The following SCAI variants were observed in gnomAD, a reference collection of about 807,000 sequenced individuals.
SCAI encodes protein SCAI.
In SCAI, 24 loss-of-function variants were observed where a neutral mutation model predicts 92.2. The observed-to-expected ratio is 0.26, with a 90% CI of 0.19 to 0.37. SCAI has a LOEUF of 0.37. SCAI is among the 10% of genes least tolerant of loss of function. The pLI is 1.00. For missense variants in SCAI, 450 were observed against 736.2 expected (o/e 0.61, Z 4.50); for synonymous variants, 261 against 258.6 (o/e 1.01, Z -0.09).
At chr9:125,004,771 ATATATATATTTTTTTTTTTTTTTTT>A (rs1158847498) in intron 9 of SCAI, among the ~76,000 whole-genome samples, 1 of 8,822 alleles carries the variant, frequency 1.1e-4, no homozygotes, top group African/African-American at 3.5e-4. Context: ...ATATATATAT[ATATATATATTTTTTTTTTTTTTTTT>A]TTTTTTTTTG....
intron 9 of SCAI, among the ~76,000 whole-genome samples, chr9:125,014,835 C>T (rs376354231): frequency 2.2e-4 from 34 of 152,204 alleles, no homozygotes; most frequent in South Asian, 1.7e-3. Flanking sequence ...AAAACAGAGA[C>T]ATAGATCAAT....
intron 3 of SCAI, among the ~76,000 whole-genome samples, chr9:125,049,027 G>C (rs1295978816): frequency 6.6e-6 from 1 of 152,096 alleles, no homozygotes; most frequent in Non-Finnish European, 1.5e-5. Context: ...TTACAGGCGT[G>C]AGCCACCGCA....
chr9:125,051,819 AG>A (rs1484793699), intron 3 of SCAI, among the ~76,000 whole-genome samples: 2 of 152,374 alleles, frequency 1.3e-5, no homozygotes, highest in East Asian at 3.9e-4. Context: ...CTGTAATCCC[AG>A]AACTTTGGGA....
intron 17 of SCAI, among the ~76,000 whole-genome samples, chr9:124,971,081 C>A (rs1236011456): frequency 6.6e-6 from 1 of 152,104 alleles, no homozygotes; most frequent in African/African-American, 2.4e-5. Context: ...TCCCAAAGTG[C>A]TGAGATTACA....
rs116624397 is a variant in SCAI, at chr9:124,978,893, C to T, written c.1327-2707G>A. On this transcript the variant is annotated intron_variant, in intron 14 of 17. Coordinates refer to ENST00000336505, the MANE Select transcript of SCAI (RefSeq NM_001144877.3). ...TTCTTTTTTTTTTGAAACAGTTTCG[C>T]TCTGTCGCCCAGGCTGGAGTGCAAC... 3.9e-3 allele frequency among the ~76,000 whole-genome samples: 588 copies of T among 151,786 alleles called. 5 individuals carry two copies. Among genetic ancestry groups the T allele is most frequent in the African/African-American group, 0.011 (452 of 41,392 alleles).
intron 17 of SCAI, among the ~76,000 whole-genome samples, chr9:124,970,427 A>C (rs938720913): frequency 6.6e-6 from 1 of 152,230 alleles, no homozygotes; most frequent in Admixed American, 6.5e-5. Flanking sequence ...GATTAAAAAA[A>C]AAATTTCAGG....
chr9:125,021,675 TTGTG>T (rs373663801), intron 6 of SCAI, among the ~76,000 whole-genome samples: 36 of 152,336 alleles, frequency 2.4e-4, no homozygotes, highest in African/African-American at 7.2e-4. Flanking sequence ...AGTGTATTTT[TTGTG>T]TGTATGTTCA....
chr9:125,060,687 T>C (rs1223215527), intron 2 of SCAI, among the ~76,000 whole-genome samples: 1 of 152,162 alleles, frequency 6.6e-6, no homozygotes, highest in Non-Finnish European at 1.5e-5. Context: ...CCGCTTTTGC[T>C]TCCTCCTCAT....
At chr9:125,009,509 G>A (rs972716827) in intron 9 of SCAI, among the ~76,000 whole-genome samples, 23 of 151,914 alleles carry the variant, frequency 1.5e-4, no homozygotes, top group South Asian at 4.2e-4. Flanking sequence ...ACCCTCAGGC[G>A]ATCTGCCCCA....
intron 6 of SCAI, among the ~76,000 whole-genome samples, chr9:125,025,539 T>A (rs1487012868): frequency 6.6e-6 from 1 of 152,248 alleles, no homozygotes; most frequent in African/African-American, 2.4e-5. Context: ...TCGCATTTTT[T>A]AAGATATAAT....
At chr9:125,099,948 A>G (rs2131211228) in intron 2 of SCAI, among the ~76,000 whole-genome samples, 1 of 152,370 alleles carries the variant, frequency 6.6e-6, no homozygotes, top group East Asian at 1.9e-4. Context: ...ATCAATGGAC[A>G]TCCGGGTTGT....
intron 14 of SCAI, among the ~76,000 whole-genome samples, chr9:124,983,057 T>C (rs1831918841): frequency 6.6e-6 from 1 of 151,212 alleles, no homozygotes; most frequent in Non-Finnish European, 1.5e-5. Flanking sequence ...GAGGCTGACA[T>C]AGGAGGATCT....
intron 3 of SCAI, among the ~76,000 whole-genome samples, chr9:125,031,612 G>C (rs1348338389): frequency 6.6e-6 from 1 of 152,122 alleles, no homozygotes; most frequent in African/African-American, 2.4e-5. Flanking sequence ...AATAAATCTA[G>C]AGATCAATTT....
chr9:125,070,079 CTG>C (rs1362038656), intron 2 of SCAI, among the ~76,000 whole-genome samples: 1 of 152,176 alleles, frequency 6.6e-6, no homozygotes, highest in Admixed American at 6.5e-5. Flanking sequence ...AGATATGAAA[CTG>C]TGCTATAAAT....
At chr9:125,015,448 G>C (rs1020582626) in intron 9 of SCAI, among the ~76,000 whole-genome samples, 1 of 152,148 alleles carries the variant, frequency 6.6e-6, no homozygotes, top group Non-Finnish European at 1.5e-5. Flanking sequence ...ACCATCACTA[G>C]CCATCAGAGA....
At chr9:125,026,971 A>AGAACAAGTATTTAC in intron 5 of SCAI, 61 bp from the exon 6 acceptor site, 1 of 1,001,572 alleles carries the variant, frequency 1.0e-6, no homozygotes, top group Non-Finnish European at 1.5e-6. Context: ...CATGGTAAAT[A>AGAACAAGTATTTAC]CTTGTTCTAT....
Position 124,996,496 on chromosome 9 carries a change from T to G in SCAI, c.1245-1481A>C, listed in dbSNP as rs1267314212. 1.4e-4 allele frequency among the ~76,000 whole-genome samples: 22 copies of G among 152,010 alleles called. 1 individual carries two copies. Among genetic ancestry groups the G allele is most frequent in the Admixed American group, 1.4e-3 (21 of 15,234 alleles). On this transcript the variant is annotated intron_variant, in intron 13 of 17. Transcript: ENST00000336505. ...TTTTACATTTTTAGTAGAGACAAGA[T>G]CCTCTTATGTTGCCAAGGCTGGTCT... is the stretch of plus-strand genomic sequence containing the variant.
chr9:124,961,649 C>A (rs370770270), intron 17 of SCAI, among the ~76,000 whole-genome samples: 295 of 119,650 alleles, frequency 2.5e-3, no homozygotes, highest in East Asian at 3.1e-3. Flanking sequence ...GACTCCATCT[C>A]AAAAAAAAAA....
chr9:124,952,644 T>G lies in SCAI; in HGVS notation c.*163A>C, dbSNP rs1224386085. 3.7e-6 allele frequency: 2 copies of G among 539,472 alleles called. No individual in the cohort carries two copies. Among genetic ancestry groups the G allele is most frequent in the Non-Finnish European group, 6.3e-6 (2 of 319,080 alleles). The allele number at this position is 539,472 out of a possible 1,614,324, so 33.4% of individuals were successfully genotyped here. A position where few individuals can be genotyped will look rare whatever the true frequency, so the allele number is the denominator to read the frequency against. On this transcript the variant is annotated 3_prime_UTR_variant, in exon 18 of 18. Transcript: ENST00000336505. Reference sequence around the variant, plus strand: ...CTGAAAGGTTGCATTTTAAAACAGTTACCCTAAAAGTGTGAACATTTTTTT... The same window carrying G: ...CTGAAAGGTTGCATTTTAAAACAGTGACCCTAAAAGTGTGAACATTTTTTT...
Sources: allele counts gnomAD v4.1 joint callset (sites outside exome capture counted in the v4.1 genomes callset), GRCh38; gene constraint gnomAD v4.1.1; transcripts MANE v1.5; gene names NCBI Gene and HGNC (gene_info 2026-07-23, HGNC 2026-07-21).